ME3: variants seen among roughly 807,000 people sequenced by gnomAD.
ME3 encodes NADP-dependent malic enzyme, mitochondrial.
ME3 carries 48 observed loss-of-function variants against 68.9 expected under a neutral mutation model. The ratio of observed to expected loss-of-function variants is 0.70; its 90% CI spans 0.55 to 0.89. The LOEUF (loss-of-function observed/expected upper bound fraction) is 0.89. ME3 is among the 40% of genes least tolerant of loss of function. The pLI is 0.00. For synonymous variants in ME3, 320 were observed against 318.8 expected, an observed-to-expected ratio of 1.00 and a Z score of -0.04; for missense variants, 675 against 797.4, an observed-to-expected ratio of 0.85 and a Z score of 1.85.
intron 2 of ME3, among the ~76,000 whole-genome samples, chr11:86,635,341 C>G (rs1350348555): frequency 1.3e-5 from 2 of 152,236 alleles, no homozygotes; most frequent in Admixed American, 6.5e-5. Flanking sequence ...ATGTGGCTGT[C>G]TGCAAGCCAG....
intron 2 of ME3, among the ~76,000 whole-genome samples, chr11:86,602,985 A>C (rs1430762640): frequency 6.6e-6 from 1 of 152,196 alleles, no homozygotes; most frequent in Non-Finnish European, 1.5e-5. Flanking sequence ...TAGACCTAAA[A>C]CCATAAAAAC....
intron 13 of ME3, 137 bp downstream of exon 13, chr11:86,446,177 T>G: frequency 1.0e-6 from 1 of 982,692 alleles, no homozygotes; most frequent in African/African-American, 1.6e-5. Flanking sequence ...GAGAGATGCT[T>G]GAGGTTTAAG....
intron 2 of ME3, among the ~76,000 whole-genome samples, chr11:86,560,749 T>TGTAA (rs1957185848): frequency 6.0e-5 from 1 of 16,668 alleles, no homozygotes; most frequent in Admixed American, 5.8e-4. Flanking sequence ...TGTGTGTGTG[T>TGTAA]ATATATATAT....
intron 2 of ME3, among the ~76,000 whole-genome samples, chr11:86,662,998 G>A (rs1369411177): frequency 3.3e-5 from 5 of 152,172 alleles, no homozygotes; most frequent in Admixed American, 3.3e-4. Context: ...TTTTCTGAAA[G>A]AGCAAAGCAA....
chr11:86,506,559 C>G (rs906792023), intron 5 of ME3, among the ~76,000 whole-genome samples: 2 of 152,154 alleles, frequency 1.3e-5, no homozygotes, highest in Non-Finnish European at 2.9e-5. Flanking sequence ...GGAAAGGGTG[C>G]CTTTTTGTTA....
chr11:86,516,880 C>T (rs1482791721), intron 4 of ME3, among the ~76,000 whole-genome samples: 3 of 152,044 alleles, frequency 2.0e-5, no homozygotes, highest in African/African-American at 7.2e-5. Flanking sequence ...TCATCAGGGC[C>T]CACTGACCAA....
Position 86,652,359 on chromosome 11 carries a change from C to T in ME3, c.183+19403G>A, listed in dbSNP as rs1470112088. On this transcript the variant is annotated intron_variant, in intron 2 of 14. Coordinates refer to ENST00000543262, the Ensembl canonical transcript of ME3. The stretch of plus-strand genomic sequence containing the variant: ...CAGCCAGAGAAAAGGCTCGGGTTAC[C>T]CACAAAGGGAAGCCCATCAGACTAA... Among the ~76,000 whole-genome samples, 4 of 152,100 alleles carry T rather than the reference C, an allele frequency of 2.6e-5. No individual in the cohort carries two copies. In the South Asian group the frequency reaches 6.2e-4, roughly 24 times the overall value.
At chr11:86,625,455 A>G (rs534803035) in intron 2 of ME3, among the ~76,000 whole-genome samples, 115 of 152,278 alleles carry the variant, frequency 7.6e-4, no homozygotes, top group African/African-American at 2.7e-3. Context: ...CCAGCTGGAA[A>G]GCACTCGCCT....
chr11:86,594,038 T>C lies in ME3; in HGVS notation c.184-34215A>G, dbSNP rs905737075. The stretch of plus-strand genomic sequence containing the variant: ...TATTTAATAAGCACCGACTAGGTAC[T>C]GGATACCATTATAAACTGACGATAC... On this transcript the variant is annotated intron_variant, in intron 2 of 14. Coordinates refer to ENST00000543262, the Ensembl canonical transcript of ME3. 6.1e-5 allele frequency among the ~76,000 whole-genome samples: 9 copies of C among 146,490 alleles called. 2 individuals are homozygous for C. Among genetic ancestry groups the C allele is most frequent in the African/African-American group, 2.3e-4 (9 of 39,784 alleles).
intron 4 of ME3, among the ~76,000 whole-genome samples, chr11:86,515,959 C>T (rs923797315): frequency 3.9e-5 from 6 of 152,060 alleles, no homozygotes; most frequent in East Asian, 1.9e-4. Context: ...ATAGGCTGCC[C>T]GGGGATCCCA....
chr11:86,659,651 C>T (rs898398526), intron 2 of ME3, among the ~76,000 whole-genome samples: 9 of 152,168 alleles, frequency 5.9e-5, no homozygotes, highest in Non-Finnish European at 1.2e-4. Context: ...CTTAAAACTT[C>T]CTGCCCCGTC....
intron 2 of ME3, among the ~76,000 whole-genome samples, chr11:86,560,770 A>ATATT (rs1565954047): frequency 4.5e-5 from 6 of 132,134 alleles, no homozygotes; most frequent in East Asian, 2.4e-4. Context: ...ATATATATAT[A>ATATT]TATTTCCAGG....
intron 2 of ME3, among the ~76,000 whole-genome samples, chr11:86,617,095 C>T (rs1003095712): frequency 2.9e-5 from 3 of 101,772 alleles, no homozygotes; most frequent in African/African-American, 7.4e-5. Flanking sequence ...GAAGAACAAG[C>T]GATCTGGAGC....
At chr11:86,521,448 A>ATAC (rs1954301681) in intron 4 of ME3, among the ~76,000 whole-genome samples, 1 of 147,624 alleles carries the variant, frequency 6.8e-6, no homozygotes, top group Non-Finnish European at 1.5e-5. Flanking sequence ...AATAATAATA[A>ATAC]TAATAAAAAA....
At chr11:86,492,733 C>G (rs542833462) in intron 6 of ME3, among the ~76,000 whole-genome samples, 80 of 152,354 alleles carry the variant, frequency 5.3e-4, no homozygotes, top group Non-Finnish European at 9.4e-4. Flanking sequence ...TTGCCCAGCT[C>G]TGCCTCCCGT....
At chr11:86,561,178 TACCCATAA>T (rs1329635427) in intron 2 of ME3, among the ~76,000 whole-genome samples, 1 of 152,180 alleles carries the variant, frequency 6.6e-6, no homozygotes, top group East Asian at 1.9e-4. Context: ...TTTGACATAC[TACCCATAA>T]TGTAGCAGTA....
chr11:86,546,896 G>A (rs1188150874), intron 4 of ME3, among the ~76,000 whole-genome samples: 1 of 151,626 alleles, frequency 6.6e-6, no homozygotes, highest in African/African-American at 2.4e-5. Flanking sequence ...ATTCACTATA[G>A]CAAAGACTTG....
chr11:86,441,468 A>G (rs1333097129), intron 14 of ME3, 28 bp from the exon 15 acceptor site: 1 of 1,560,260 alleles, frequency 6.4e-7, no homozygotes, highest in African/African-American at 1.4e-5. Flanking sequence ...TGGCTAAGGA[A>G]CCGGATCTAA....
At chr11:86,517,743 C>T (rs1182712952) in intron 4 of ME3, among the ~76,000 whole-genome samples, 1 of 152,186 alleles carries the variant, frequency 6.6e-6, no homozygotes, top group Non-Finnish European at 1.5e-5. Context: ...TGATGCATAT[C>T]TCCTTCCACT....
Sources: gnomAD v4.1 joint callset for allele counts (sites outside exome capture counted in the v4.1 genomes callset) on GRCh38, gnomAD v4.1.1 for gene constraint, MANE v1.5 for transcripts, NCBI Gene and HGNC (gene_info 2026-07-23, HGNC 2026-07-21) for gene names.